ZNF407: variants seen among roughly 807,000 people sequenced by gnomAD.
ZNF407 encodes the protein zinc finger protein 407.
Under a neutral mutation model 131.2 loss-of-function variants are expected in ZNF407, and 17 were observed. That is an observed-to-expected ratio of 0.13 (90% CI 0.09 to 0.19). The LOEUF is 0.19. ZNF407 is among the 10% of genes least tolerant of loss of function. The probability of loss-of-function intolerance (pLI) is 1.00; values close to 1 mark genes in which losing one functional copy is unlikely to be tolerated. For missense variants in ZNF407, 2,681 were observed against 2,830.6 expected (o/e 0.95, Z 1.20); for synonymous variants, 1,156 against 1,062.0 (o/e 1.09, Z -1.72).
chr18:74,993,559 G>A (rs961319769), intron 8 of ZNF407, among the ~76,000 whole-genome samples: 3 of 152,176 alleles, frequency 2.0e-5, no homozygotes, highest in Non-Finnish European at 4.4e-5. Context: ...GGTTACAAGG[G>A]TGAGTAGATG....
chr18:74,798,999 G>A (rs1330785666), intron 4 of ZNF407, among the ~76,000 whole-genome samples: 1 of 152,028 alleles, frequency 6.6e-6, no homozygotes, highest in African/African-American at 2.4e-5. Flanking sequence ...AAACTATGGT[G>A]ATGTAGTTAA....
intron 3 of ZNF407, among the ~76,000 whole-genome samples, chr18:74,764,448 A>G (rs1969182400): frequency 6.6e-6 from 1 of 152,158 alleles, no homozygotes; most frequent in Non-Finnish European, 1.5e-5. Flanking sequence ...CCATCTCTCT[A>G]CAGTCGATCC....
At chr18:74,860,308 G>A (rs914537513) in intron 4 of ZNF407, among the ~76,000 whole-genome samples, 4 of 108,906 alleles carry the variant, frequency 3.7e-5, no homozygotes, top group South Asian at 6.6e-4. Context: ...TAAAAAAAAC[G>A]AAGAAGAAGA....
At chr18:74,760,773 A>G (rs959383561) in intron 3 of ZNF407, among the ~76,000 whole-genome samples, 7 of 152,156 alleles carry the variant, frequency 4.6e-5, no homozygotes, top group Admixed American at 2.0e-4. Context: ...GCTGGTTTTC[A>G]GATCTACTCT....
At chr18:74,700,464 C>G (rs182045520) in intron 3 of ZNF407, among the ~76,000 whole-genome samples, 1 of 152,246 alleles carries the variant, frequency 6.6e-6, no homozygotes, top group Non-Finnish European at 1.5e-5. Context: ...CATGGTGATG[C>G]CAGCACTTTG....
At chr18:74,894,364 GA>G (rs137998621) in intron 7 of ZNF407, among the ~76,000 whole-genome samples, 6 of 151,066 alleles carry the variant, frequency 4.0e-5, no homozygotes, top group Non-Finnish European at 5.9e-5. Context: ...GCATTAAAAT[GA>G]AAAAAAATAA....
intron 4 of ZNF407, among the ~76,000 whole-genome samples, chr18:74,835,969 C>T (rs1473849751): frequency 9.2e-5 from 13 of 140,936 alleles, no homozygotes; most frequent in African/African-American, 2.7e-4. Context: ...GTGAAGGAAA[C>T]GGTGGAGAAG....
At chr18:74,619,141 C>G (rs1259065383) in intron 1 of ZNF407, among the ~76,000 whole-genome samples, 1 of 152,064 alleles carries the variant, frequency 6.6e-6, no homozygotes, top group African/African-American at 2.4e-5. Flanking sequence ...GGAACAAAAC[C>G]CAAATCCATT....
At chr18:74,796,439 A>T (rs1969921096) in intron 4 of ZNF407, among the ~76,000 whole-genome samples, 1 of 152,206 alleles carries the variant, frequency 6.6e-6, no homozygotes, top group South Asian at 2.1e-4. Context: ...TATCTATTTG[A>T]TTGAGATCCC....
intron 8 of ZNF407, among the ~76,000 whole-genome samples, chr18:75,013,780 A>G (rs1184513533): frequency 6.6e-6 from 1 of 152,126 alleles, no homozygotes; most frequent in East Asian, 1.9e-4. Context: ...TACAATTTCT[A>G]AAAATAAATT....
chr18:74,679,406 A>G (rs1966929728), intron 3 of ZNF407, among the ~76,000 whole-genome samples: 1 of 152,180 alleles, frequency 6.6e-6, no homozygotes, highest in Admixed American at 6.5e-5. Context: ...CAGCAAGTGT[A>G]TGCTTCTGTA....
At chr18:74,827,596 T>G (rs923975867) in intron 4 of ZNF407, among the ~76,000 whole-genome samples, 1 of 152,194 alleles carries the variant, frequency 6.6e-6, no homozygotes. Context: ...GCTGAAATCA[T>G]AGGCCTATTT....
intron 3 of ZNF407, among the ~76,000 whole-genome samples, chr18:74,775,157 T>G (rs1305240294): frequency 2.6e-5 from 4 of 152,208 alleles, no homozygotes; most frequent in Non-Finnish European, 5.9e-5. Context: ...CTTTGTAAAA[T>G]AATTATTTAT....
At chr18:74,883,170 G>A (rs892140038) in intron 6 of ZNF407, among the ~76,000 whole-genome samples, 4 of 152,170 alleles carry the variant, frequency 2.6e-5, no homozygotes, top group Non-Finnish European at 5.9e-5. Context: ...ATAGACAGAG[G>A]TATCTGTCTT....
At chr18:75,043,370 T>A (rs1402257560) in intron 8 of ZNF407, among the ~76,000 whole-genome samples, 1 of 152,230 alleles carries the variant, frequency 6.6e-6, no homozygotes, top group East Asian at 1.9e-4. Context: ...GCTCTGGACC[T>A]GCACAGGTCA....
chr18:74,613,528 C>T (rs1219695823), intron 1 of ZNF407, among the ~76,000 whole-genome samples: 3 of 152,210 alleles, frequency 2.0e-5, no homozygotes, highest in South Asian at 2.1e-4. Flanking sequence ...CTAGTAGAAT[C>T]GGCACCTCAC....
chr18:74,692,318 A>G (rs1967243990), intron 3 of ZNF407, among the ~76,000 whole-genome samples: 1 of 151,716 alleles, frequency 6.6e-6, no homozygotes, highest in Admixed American at 6.6e-5. Flanking sequence ...AGCTGTTTTT[A>G]TCCTTTCATC....
intron 8 of ZNF407, among the ~76,000 whole-genome samples, chr18:74,928,792 C>A (rs1409722779): frequency 1.3e-5 from 2 of 152,040 alleles, no homozygotes; most frequent in Non-Finnish European, 2.9e-5. Flanking sequence ...CCCTTCAGGG[C>A]CGGAGCTAGT....
intron 7 of ZNF407, among the ~76,000 whole-genome samples, chr18:74,911,562 G>GT (rs1280889284): frequency 1.3e-5 from 2 of 152,050 alleles, no homozygotes; most frequent in African/African-American, 4.8e-5. Flanking sequence ...TAAAAGAAGT[G>GT]TTTTTTGTAT....
Sources: gnomAD v4.1 joint callset for allele counts (sites outside exome capture counted in the v4.1 genomes callset) on GRCh38, gnomAD v4.1.1 for gene constraint, MANE v1.5 for transcripts, NCBI Gene and HGNC (gene_info 2026-07-23, HGNC 2026-07-21) for gene names.